The following GET4 variants were observed in gnomAD, a reference collection of about 807,000 sequenced individuals.
The protein encoded by GET4 is Golgi to ER traffic protein 4 homolog.
A neutral mutation model predicts 40.0 loss-of-function variants in GET4; 20 were observed. That is an observed-to-expected ratio of 0.50 (90% CI 0.35 to 0.73). The LOEUF (loss-of-function observed/expected upper bound fraction) is 0.73. Ranked by LOEUF, GET4 falls within the 30% of genes least tolerant of loss-of-function variation. The pLI, the probability that GET4 is intolerant of heterozygous loss-of-function variation, is 0.01. For synonymous variants in GET4, 280 were observed against 194.6 expected, an observed-to-expected ratio of 1.44 and a Z score of -3.65; for missense variants, 557 against 454.0, an observed-to-expected ratio of 1.23 and a Z score of -2.06.
intron 1 of GET4, chr7:878,285 ATT>A: frequency 2.1e-6 from 1 of 470,904 alleles, no homozygotes; most frequent in East Asian, 7.0e-5. Context: ...CTGTTCCAGT[ATT>A]TTTGCTGTCA....
chr7:883,635 T>C (rs1274457354), intron 1 of GET4: 2 of 985,310 alleles, frequency 2.0e-6, no homozygotes, highest in African/African-American at 3.5e-5. Context: ...CACGTCTGGG[T>C]GTCCACATGG....
At chr7:895,298 G>A in intron 8 of GET4, 36 bp from the exon 9 acceptor site, 2 of 1,073,150 alleles carry the variant, frequency 1.9e-6, no homozygotes, top group Non-Finnish European at 2.8e-6. Flanking sequence ...GTGGGAGGCT[G>A]CCCAGGCGTG....
Position 886,549 on chromosome 7 carries a change from T to C in GET4, c.235-20T>C, listed in dbSNP as rs1207003808. 6.3e-7 allele frequency: 1 copy of C among 1,581,680 alleles called. No homozygotes were observed. On this transcript the variant is annotated intron_variant, in intron 2 of 8. Coordinates refer to ENST00000265857, the MANE Select transcript of GET4 (RefSeq NM_015949.3). ...GTCAGGGCTTTGTTCTTGATTCTTGTGTGTTGCTTTCTCTTGTAGCAAAAC... is the reference window on the plus strand; with the variant it reads ...GTCAGGGCTTTGTTCTTGATTCTTGCGTGTTGCTTTCTCTTGTAGCAAAAC...
chr7:887,399 G>A lies in GET4; in HGVS notation c.346G>A (p.Asp116Asn). The change falls in exon 4 of 9, where the codon GAC (aspartate) becomes AAC (asparagine). Residue 116 changes from aspartate to asparagine, a missense_variant. By Grantham distance (23) the Asp-to-Asn change is conservative. Transcript: ENST00000265857. ...TCTGGCTAAAGTGTTCAGCCTGATG[G>A]ACCCCAACTCTCCTGAGCGCGTGAC... ...ENLAKVFSLM[D>N]PNSPERVTFV... 6.3e-7 allele frequency: 1 copy of A among 1,597,952 alleles called. No homozygotes were observed. The highest frequency in any genetic ancestry group is 8.5e-7 in the Non-Finnish European group (1 of 1,169,904).
chr7:887,855 CCT>C (rs1057325455), intron 4 of GET4, among the ~76,000 whole-genome samples: 3 of 152,230 alleles, frequency 2.0e-5, no homozygotes, highest in African/African-American at 4.8e-5. Flanking sequence ...GGTGCTGTGC[CCT>C]GTTTTTCTCC....
intron 4 of GET4, among the ~76,000 whole-genome samples, chr7:887,867 CT>C (rs1234879110): frequency 6.6e-6 from 1 of 152,192 alleles, no homozygotes; most frequent in Non-Finnish European, 1.5e-5. Flanking sequence ...TGTTTTTCTC[CT>C]TTACGCTGAC....
chr7:885,732 T>G (rs1040640606), intron 1 of GET4: 3 of 303,948 alleles, frequency 9.9e-6, no homozygotes, highest in Non-Finnish European at 1.9e-5. Flanking sequence ...GCTCCTTCCC[T>G]GCGCACCTGC....
At chr7:894,110 G>C (rs1447183608) in intron 8 of GET4, 139 bp downstream of exon 8, 2 of 587,160 alleles carry the variant, frequency 3.4e-6, no homozygotes, top group South Asian at 4.8e-5. Context: ...GTTTACTTTT[G>C]TTAGTAGGAA....
At chr7:890,862 T>TC (rs1270489377) in intron 4 of GET4, 66 bp from the exon 5 acceptor site, 2 of 1,278,764 alleles carry the variant, frequency 1.6e-6, no homozygotes, top group African/African-American at 2.9e-5. Context: ...GGAGTGTCTT[T>TC]CCCCCTTTCC....
rs766619820 is a variant in GET4, at chr7:895,447, C to T, written c.*25C>T. ...AACTGGCCAGGCCACGTGGAGACAC[C>T]ACGGTCGACGACGGCTGGAGGGACG... is the stretch of plus-strand genomic sequence containing the variant. On this transcript the variant is annotated 3_prime_UTR_variant, in exon 9 of 9. Coordinates refer to ENST00000265857, the MANE Select transcript of GET4 (RefSeq NM_015949.3). 1.8e-5 allele frequency: 23 copies of T among 1,287,296 alleles called. No homozygotes were observed. The highest frequency in any genetic ancestry group is 2.5e-5 in the Non-Finnish European group (22 of 891,594). 79.7% of individuals were successfully genotyped at this position (1,287,296 alleles called of 1,614,324 possible).
At position 890,866 on chromosome 7, in the gene GET4, CCTTTCCTTTT is replaced by C. The variant is rs1260539529; in HGVS notation, c.467-59_467-50del. 305 of 1,312,772 alleles carry C rather than the reference CCTTTCCTTTT, an allele frequency of 2.3e-4. 1 individual carries two copies. Among genetic ancestry groups the C allele is most frequent in the Non-Finnish European group, 8.3e-5 (75 of 907,470 alleles). The allele number at this position is 1,312,772 out of a possible 1,614,324, so 81.3% of individuals were successfully genotyped here. A position where few individuals can be genotyped will look rare whatever the true frequency, so the allele number is the denominator to read the frequency against. On this transcript the variant is annotated intron_variant, in intron 4 of 8. Coordinates refer to ENST00000265857, the MANE Select transcript of GET4 (RefSeq NM_015949.3). ...AGAATTAACATGGAGTGTCTTTCCC[CCTTTCCTTTT>C]CTGTGTTATATTCGTGAAATGTATT... is the stretch of plus-strand genomic sequence containing the variant.
intron 6 of GET4, among the ~76,000 whole-genome samples, chr7:892,937 G>A (rs112692515): frequency 0.016 from 2,478 of 151,910 alleles, 72 homozygotes; most frequent in African/African-American, 0.056. Flanking sequence ...GGGTATAGAC[G>A]TGGCATGGGT....
chr7:893,845 G>C (rs200036257), intron 7 of GET4, 30 bp downstream of exon 7: 59 of 1,605,262 alleles, frequency 3.7e-5, no homozygotes, highest in East Asian at 3.6e-4. Context: ...GAGGGAGGAG[G>C]GGACCCCACG....
intron 2 of GET4, chr7:886,335 T>C: frequency 1.6e-6 from 1 of 606,314 alleles, no homozygotes; most frequent in Admixed American, 2.9e-5. Context: ...GCTGCGTTTG[T>C]GCACGATGGG....
rs1234049484 is a variant in GET4, at chr7:886,327, T to C, written c.234+193T>C. 11 of 608,016 alleles carry C rather than the reference T, an allele frequency of 1.8e-5. No homozygotes were observed. The East Asian group carries it at 2.7e-4, about 15-fold the overall frequency. The allele number at this position is 608,016 out of a possible 1,614,324, so 37.7% of individuals were successfully genotyped here. A position where few individuals can be genotyped will look rare whatever the true frequency, so the allele number is the denominator to read the frequency against. ...CACTCTCAAGACTGGGGCTCTGCGCTGCGTTTGTGCACGATGGGGCTGAGA... is the reference window on the plus strand; with the variant it reads ...CACTCTCAAGACTGGGGCTCTGCGCCGCGTTTGTGCACGATGGGGCTGAGA... On this transcript the variant is annotated intron_variant, in intron 2 of 8. Coordinates refer to ENST00000265857, the MANE Select transcript of GET4 (RefSeq NM_015949.3).
intron 1 of GET4, chr7:883,556 A>C (rs1307243664): frequency 1.0e-6 from 1 of 985,178 alleles, no homozygotes; most frequent in Non-Finnish European, 1.2e-6. Context: ...TTTGGCCGGC[A>C]GAGAGCACCA....
At chr7:894,362 C>T (rs368275255) in intron 8 of GET4, among the ~76,000 whole-genome samples, 5 of 152,138 alleles carry the variant, frequency 3.3e-5, no homozygotes, top group Non-Finnish European at 5.9e-5. Flanking sequence ...GGGGTCGCGG[C>T]GGGGCGGGTG....
intron 1 of GET4, chr7:884,921 A>C (rs1222412976): frequency 1.3e-5 from 2 of 152,952 alleles, no homozygotes; most frequent in Non-Finnish European, 1.5e-5. Context: ...AGCTGGGACC[A>C]CAGGTGCACA....
chr7:878,436 G>T, intron 1 of GET4: 1 of 464,706 alleles, frequency 2.2e-6, no homozygotes, highest in South Asian at 1.6e-5. Flanking sequence ...GATCATTTCA[G>T]AGGATTTAGT....
Sources: gnomAD v4.1 joint callset for allele counts (sites outside exome capture counted in the v4.1 genomes callset) on GRCh38, gnomAD v4.1.1 for gene constraint, MANE v1.5 for transcripts, NCBI Gene and HGNC (gene_info 2026-07-23, HGNC 2026-07-21) for gene names.